Variants in ABCA12 observed in about 807,000 individuals in gnomAD.
ABCA12 encodes the protein glucosylceramide transporter ABCA12.
A neutral mutation model predicts 293.5 loss-of-function variants in ABCA12; 156 were observed. The ratio of observed to expected loss-of-function variants is 0.53; its 90% CI spans 0.47 to 0.61. ABCA12 has a LOEUF of 0.61. Ranked by LOEUF, ABCA12 falls within the 20% of genes least tolerant of loss-of-function variation. The pLI, the probability that ABCA12 is intolerant of heterozygous loss-of-function variation, is 0.00. For missense variants in ABCA12, 2,797 were observed against 3,090.2 expected (o/e 0.91, Z 2.25); for synonymous variants, 1,063 against 1,108.0 (o/e 0.96, Z 0.81).
Position 215,025,683 on chromosome 2 carries a change from A to C in ABCA12, c.1277T>G (p.Leu426Arg). 1 of 1,552,992 alleles carries C rather than the reference A, an allele frequency of 6.4e-7. No homozygotes were observed. The highest frequency in any genetic ancestry group is 8.7e-7 in the Non-Finnish European group (1 of 1,152,984). ...ACTTTCATGGCTTACTTTTGATTTT[A>C]GGACTTCAGGAACTGGAGGAAAGTA... The part of the protein sequence containing the change: ...EDYFPPVPEV[L>R]KSKLSQLRNL... Residue 426 changes from leucine to arginine, a missense_variant, in exon 11 of 53, where the codon CTA becomes CGA. Around this residue, in one of 3 missense-constraint regions of ABCA12, gnomAD observed 656 missense variants for 638.2 expected, o/e 1.03. Transcript: ENST00000272895.
intron 7 of ABCA12, among the ~76,000 whole-genome samples, chr2:215,043,572 TTTG>T (rs138336317): frequency 0.14 from 21,783 of 151,612 alleles, 4,681 homozygotes; most frequent in African/African-American, 0.47. Flanking sequence ...TTGTGGAATT[TTTG>T]TTGTTGTTGT....
intron 3 of ABCA12, among the ~76,000 whole-genome samples, chr2:215,063,673 A>AT (rs1701580211): frequency 6.6e-6 from 1 of 151,984 alleles, no homozygotes; most frequent in Non-Finnish European, 1.5e-5. Context: ...AGTATCACAC[A>AT]TGGTAGTACC....
chr2:214,971,954 G>A lies in ABCA12; in HGVS notation c.5563-1554C>T, dbSNP rs1296331276. Among the ~76,000 whole-genome samples the A allele has an allele frequency of 2.6e-5, 4 of 152,186 alleles. No individual in the cohort carries two copies. The East Asian group carries it at 7.7e-4, about 29-fold the overall frequency. On this transcript the variant is annotated intron_variant, in intron 36 of 52. Coordinates refer to ENST00000272895, the MANE Select transcript of ABCA12 (RefSeq NM_173076.3). ...TCTTCTTCATTTTAGCCATTCTGGT[G>A]AGTGTGGAGTGGTATTGCTTTGTGC...
intron 2 of ABCA12, among the ~76,000 whole-genome samples, chr2:215,064,554 A>T (rs1380474986): frequency 6.6e-6 from 1 of 152,118 alleles, no homozygotes; most frequent in Non-Finnish European, 1.5e-5. Context: ...AATAAATCAC[A>T]GTGTATCCAC....
intron 1 of ABCA12, among the ~76,000 whole-genome samples, chr2:215,131,384 A>AT (rs1018671428): frequency 2.8e-4 from 42 of 150,028 alleles, no homozygotes; most frequent in South Asian, 1.1e-3. Context: ...TTATCGGGAG[A>AT]TTTTTTTTAT....
chr2:215,074,463 T>C (rs1202856924), intron 2 of ABCA12, among the ~76,000 whole-genome samples: 2 of 151,896 alleles, frequency 1.3e-5, no homozygotes. Flanking sequence ...CACTCTATAA[T>C]AGGGAAAAAT....
At chr2:215,100,016 CTTT>C (rs199763276) in intron 2 of ABCA12, among the ~76,000 whole-genome samples, 1 of 116,130 alleles carries the variant, frequency 8.6e-6, no homozygotes, top group Non-Finnish European at 2.0e-5. Context: ...CTCTCTCTCT[CTTT>C]TTTTTTTTTT....
At position 214,990,876 on chromosome 2, in the gene ABCA12, A is replaced by C; in HGVS notation, c.3450T>G (p.Tyr1150Ter). The change falls in exon 24 of 53, where the codon TAT (tyrosine) becomes TAG (stop). Residue 1150 changes from tyrosine to a stop codon, truncating the protein, a stop_gained. Coordinates refer to ENST00000272895, the MANE Select transcript of ABCA12 (RefSeq NM_173076.3). LOFTEE classifies it high-confidence loss of function. ...TAACCGAGAAGCTGTAGTCCGAAAAATACAGGAACAAAATGAACCCATTTG... is the reference window on the plus strand; with the variant it reads ...TAACCGAGAAGCTGTAGTCCGAAAACTACAGGAACAAAATGAACCCATTTG... ...PKTNGFILFL[Y>*]FSDYSFSVIA... 6.2e-7 allele frequency: 1 copy of C among 1,614,142 alleles called. No individual in the cohort carries two copies. Among genetic ancestry groups the C allele is most frequent in the Non-Finnish European group, 8.5e-7 (1 of 1,179,994 alleles).
At position 214,958,471 on chromosome 2, in the gene ABCA12, G is replaced by C; in HGVS notation, c.5940-17C>G. 1 of 1,613,084 alleles carries C rather than the reference G, an allele frequency of 6.2e-7. No individual in the cohort carries two copies. Among genetic ancestry groups the C allele is most frequent in the Non-Finnish European group, 8.5e-7 (1 of 1,179,348 alleles). ...CTGCTGATTCTAGAGTGAGCAATAG[G>C]GAGAGGAAAACACACATAAGTTTTT... On this transcript the variant is annotated splice_polypyrimidine_tract_variant and intron_variant, in intron 40 of 52. Transcript: ENST00000272895.
intron 50 of ABCA12, among the ~76,000 whole-genome samples, chr2:214,940,403 A>G (rs1248336769): frequency 1.3e-5 from 2 of 152,202 alleles, no homozygotes; most frequent in Non-Finnish European, 2.9e-5. Context: ...GATGTTAATC[A>G]GGGATACTGG....
chr2:215,102,204 T>C (rs899605993), intron 2 of ABCA12, among the ~76,000 whole-genome samples: 1 of 152,214 alleles, frequency 6.6e-6, no homozygotes, highest in African/African-American at 2.4e-5. Context: ...TATTTAATTT[T>C]TAATAATGAG....
At chr2:214,999,908 A>G in intron 22 of ABCA12, 2 of 780,770 alleles carry the variant, frequency 2.6e-6, no homozygotes, top group Non-Finnish European at 3.1e-6. Context: ...AGAAAAATCC[A>G]ATACCATCTG....
In ABCA12 at chr2:215,138,396, C is replaced by A; in HGVS notation, c.-188G>T. The A allele has an allele frequency of 1.5e-6, 1 of 648,970 alleles. No individual in the cohort carries two copies. Among genetic ancestry groups the A allele is most frequent in the Non-Finnish European group, 2.7e-6 (1 of 363,708 alleles). 40.2% of individuals were successfully genotyped at this position (648,970 alleles called of 1,614,324 possible). On this transcript the variant is annotated 5_prime_UTR_variant, in exon 1 of 53. The change creates a new upstream start codon in the 5' untranslated region. Coordinates refer to ENST00000272895, the MANE Select transcript of ABCA12 (RefSeq NM_173076.3). ...GCTGGATTTTTCCCTGTGGTTAATC[C>A]TTAACCAAGAGGCACTTCTCAATCA...
chr2:214,943,514 T>A (rs896218549), intron 49 of ABCA12, among the ~76,000 whole-genome samples: 7 of 152,124 alleles, frequency 4.6e-5, no homozygotes, highest in Admixed American at 4.6e-4. Flanking sequence ...TCTTAAAATA[T>A]AAATTAAATG....
In ABCA12 at chr2:215,012,132, A is replaced by C; in HGVS notation, c.1960T>G (p.Phe654Val). The C allele has an allele frequency of 6.2e-7, 1 of 1,613,786 alleles. No homozygotes were observed. The highest frequency in any genetic ancestry group is 8.5e-7 in the Non-Finnish European group (1 of 1,179,798). The change falls in exon 16 of 53, where the codon TTT becomes GTT. Residue 654 changes from phenylalanine to valine, a missense_variant. Transcript: ENST00000272895. Reference sequence around the variant, plus strand: ...GGCTTTTGATCTTTCCTCGGGAAAAACACCTAACAGAAACAGAATAAAAAT... The same window carrying C: ...GGCTTTTGATCTTTCCTCGGGAAAACCACCTAACAGAAACAGAATAAAAAT... ...LNIYNFTYKV[F>V]FPRKDQKPVE...
At chr2:214,968,574 A>T in intron 38 of ABCA12, 146 bp downstream of exon 38, 1 of 737,276 alleles carries the variant, frequency 1.4e-6, no homozygotes, top group East Asian at 2.6e-5. Context: ...GGGTACATAC[A>T]CAGAATTGGA....
chr2:214,975,902 A>C lies in ABCA12; in HGVS notation c.5264T>G (p.Ile1755Ser). 1 of 1,614,138 alleles carries C rather than the reference A, an allele frequency of 6.2e-7. No individual in the cohort carries two copies. Among genetic ancestry groups the C allele is most frequent in the South Asian group, 1.1e-5 (1 of 91,082 alleles). The change falls in exon 34 of 53, where the codon ATC becomes AGC. Residue 1755 changes from isoleucine (I) to serine (S), a missense_variant. Physicochemically the swap from Ile to Ser is moderately radical, Grantham distance 142. Transcript: ENST00000272895. The stretch of plus-strand genomic sequence containing the variant: ...GCCCATGGCAGTGGTAACAAAGACG[A>C]TGGGGAGGATAACCTGAGCAATGAG... ...KGLIAQVILP[I>S]VFVTTAMGLG...
At chr2:215,039,660 T>G (rs989645379) in intron 7 of ABCA12, among the ~76,000 whole-genome samples, 1 of 151,682 alleles carries the variant, frequency 6.6e-6, no homozygotes, top group South Asian at 2.1e-4. Context: ...GAGGCTGAGG[T>G]AGGAGAATGG....
chr2:215,004,358 C>A, intron 19 of ABCA12, 59 bp from the exon 20 acceptor site: 1 of 1,301,068 alleles, frequency 7.7e-7, no homozygotes, highest in South Asian at 1.2e-5. Context: ...TTGACATTGT[C>A]TCTCTAATAA....
Sources: gnomAD v4.1 joint callset for allele counts (sites outside exome capture counted in the v4.1 genomes callset) on GRCh38, gnomAD v4.1.1 for gene constraint, gnomAD v4.1.1 regional missense constraint, MANE v1.5 for transcripts, NCBI Gene and HGNC (gene_info 2026-07-23, HGNC 2026-07-21) for gene names.